Variants in TRUB2 observed in about 807,000 individuals in gnomAD.
The protein encoded by TRUB2 is pseudouridylate synthase TRUB2, mitochondrial.
Under a neutral mutation model 31.9 loss-of-function variants are expected in TRUB2, and 31 were observed. The ratio of observed to expected loss-of-function variants is 0.97; its 90% CI spans 0.73 to 1.31. The LOEUF is 1.31. TRUB2 is among the 50% of genes most tolerant of loss of function. The pLI, the probability that TRUB2 is intolerant of heterozygous loss-of-function variation, is 0.00. For missense variants in TRUB2, 451 were observed against 439.6 expected (o/e 1.03, Z -0.23); for synonymous variants, 201 against 182.6 (o/e 1.10, Z -0.81).
intron 2 of TRUB2, among the ~76,000 whole-genome samples, chr9:128,321,225 G>A (rs1436576206): frequency 6.6e-6 from 1 of 152,218 alleles, no homozygotes; most frequent in Non-Finnish European, 1.5e-5. Flanking sequence ...TCTGAAGCTG[G>A]ATCATGGGAT....
At chr9:128,311,463 G>T in intron 6 of TRUB2, 66 bp downstream of exon 6, 1 of 1,503,824 alleles carries the variant, frequency 6.6e-7, no homozygotes, top group Non-Finnish European at 9.3e-7. Context: ...CCCCAGGTTT[G>T]GGGGAGCCTA....
At chr9:128,314,331 C>T (rs573065467) in intron 4 of TRUB2, among the ~76,000 whole-genome samples, 2 of 152,184 alleles carry the variant, frequency 1.3e-5, no homozygotes, top group Non-Finnish European at 2.9e-5. Flanking sequence ...TTTATCACCC[C>T]GAGCCCCTTC....
intron 6 of TRUB2, 149 bp from the exon 7 acceptor site, chr9:128,311,172 G>T: frequency 9.1e-7 from 1 of 1,098,662 alleles, no homozygotes; most frequent in Non-Finnish European, 1.3e-6. Flanking sequence ...ATCACCAGGT[G>T]CCTGGTAGAG....
chr9:128,322,375 G>C lies in TRUB2; in HGVS notation c.34C>G (p.Leu12Val). 6.2e-7 allele frequency: 1 copy of C among 1,614,168 alleles called. No individual in the cohort carries two copies. The highest frequency in any genetic ancestry group is 8.5e-7 in the Non-Finnish European group (1 of 1,180,044). ...GSAGLSRLHG[L>V]FAVYKPPGLK... is the part of the protein sequence containing the mutation. ...CCCGGGGGCTTATAGACCGCGAAAA[G>C]CCCATGCAGCCGCGACAAGCCAGCA... Residue 12 changes from leucine (L) to valine (V), a missense_variant, in exon 1 of 8, where the codon CTT becomes GTT. Transcript: ENST00000372890.
At chr9:128,313,919 A>G (rs1241763604) in intron 4 of TRUB2, 30 bp from the exon 5 acceptor site, 1 of 1,607,712 alleles carries the variant, frequency 6.2e-7, no homozygotes, top group South Asian at 1.1e-5. Context: ...AAGATCCGTC[A>G]GTGACCCCAT....
At position 128,311,831 on chromosome 9, in the gene TRUB2, A is replaced by ATTTT. The variant is rs1221501677; in HGVS notation, c.461-234_461-231dup. On this transcript the variant is annotated intron_variant, in intron 5 of 7. Transcript: ENST00000372890. Reference sequence around the variant, plus strand: ...CATGACTCAGCAGCAAGGGCACTCTATTTTTTTTTTTTTTTTTTTTTTGAG... The same window carrying ATTTT: ...CATGACTCAGCAGCAAGGGCACTCTATTTTTTTTTTTTTTTTTTTTTTTTTTGAG... Among the ~76,000 whole-genome samples the ATTTT allele has an allele frequency of 5.9e-5, 7 of 118,872 alleles. No homozygotes were observed. The East Asian group carries it at 9.6e-4, about 16-fold the overall frequency. 78.0% of individuals were successfully genotyped at this position (118,872 alleles called of 152,430 possible).
rs530163052 is a variant in TRUB2, at chr9:128,313,471, G to T, written c.460+337C>A. On this transcript the variant is annotated intron_variant, in intron 5 of 7. Transcript: ENST00000372890. ...GAATGGCGTGAACCCGGGAGGTGGTGCTTGCAGCGAGCTGAGATCGTGCCA... is the reference window on the plus strand; with the variant it reads ...GAATGGCGTGAACCCGGGAGGTGGTTCTTGCAGCGAGCTGAGATCGTGCCA... Among the ~76,000 whole-genome samples the T allele has an allele frequency of 6.0e-5, 9 of 149,096 alleles. No homozygotes were observed. In the East Asian group the frequency reaches 1.8e-3, roughly 29 times the overall value.
intron 3 of TRUB2, 87 bp from the exon 4 acceptor site, chr9:128,315,715 C>T: frequency 6.9e-7 from 1 of 1,441,974 alleles, no homozygotes; most frequent in Non-Finnish European, 9.5e-7. Context: ...CATCAGAATA[C>T]TCCCTTTTCT....
rs898788492 is a variant in TRUB2 at position 128,308,731 on chromosome 9, C to T, written c.*819G>A. On this transcript the variant is annotated 3_prime_UTR_variant, in exon 8 of 8. Coordinates refer to ENST00000372890, the MANE Select transcript of TRUB2 (RefSeq NM_015679.3). ...ACTTTGGGAGGCTGAGCCAGGCCAA[C>T]ATGGTGAAACCTCATCTCGGATACA... 2 of 151,894 alleles carry T rather than the reference C, an allele frequency of 1.3e-5. No homozygotes were observed. The highest frequency in any genetic ancestry group is 4.8e-5 in the African/African-American group (2 of 41,326). The allele number at this position is 151,894 out of a possible 1,614,324, so 9.4% of individuals were successfully genotyped here.
At position 128,309,594 on chromosome 9, in the gene TRUB2, C is replaced by G. The variant is rs144003821; in HGVS notation, c.952G>C (p.Gly318Arg). The G allele has an allele frequency of 4.3e-4, 695 of 1,613,784 alleles. 1 individual carries two copies. Among genetic ancestry groups the G allele is most frequent in the East Asian group, 1.7e-3 (75 of 44,858 alleles). ...PSPGWSWDSQ[G>R]PSSTLGLERG... ...TCCAGCCCCAAGGTAGAGCTCGGGC[C>G]CTGGGAGTCCCAGGACCATCCCGGA... The change falls in exon 8 of 8, where the codon GGC becomes CGC. Residue 318 changes from glycine (G) to arginine (R), a missense_variant. Transcript: ENST00000372890.
At chr9:128,318,402 T>C (rs1394142132) in intron 2 of TRUB2, among the ~76,000 whole-genome samples, 5 of 152,060 alleles carry the variant, frequency 3.3e-5, no homozygotes, top group Non-Finnish European at 7.4e-5. Flanking sequence ...ACCCCTACCT[T>C]AGGACTTCTA....
At position 128,321,641 on chromosome 9, in the gene TRUB2, G is replaced by C; in HGVS notation, c.199C>G (p.Leu67Val). 6.2e-7 allele frequency: 1 copy of C among 1,614,086 alleles called. No homozygotes were observed. The highest frequency in any genetic ancestry group is 8.5e-7 in the Non-Finnish European group (1 of 1,180,010). ...MEGSEEKELT[L>V]TATSVPSFIN... ...AAAGAGGGTACGCTGGTGGCTGTGAGGGTCAGCTCCTTCTCTTCGCTGCCT... is the reference window on the plus strand; with the variant it reads ...AAAGAGGGTACGCTGGTGGCTGTGACGGTCAGCTCCTTCTCTTCGCTGCCT... Residue 67 changes from leucine to valine, a missense_variant, in exon 2 of 8, where the codon CTC (leucine) becomes GTC (valine). Physicochemically the swap from Leu to Val is conservative, Grantham distance 32. Coordinates refer to ENST00000372890, the MANE Select transcript of TRUB2 (RefSeq NM_015679.3).
chr9:128,313,920 G>A (rs1832024144), intron 4 of TRUB2, 31 bp from the exon 5 acceptor site: 1 of 1,606,824 alleles, frequency 6.2e-7, no homozygotes, highest in Non-Finnish European at 8.5e-7. Context: ...AGATCCGTCA[G>A]TGACCCCATT....
At position 128,310,281 on chromosome 9, in the gene TRUB2, G is replaced by A. The variant is rs531264991; in HGVS notation, c.671-406C>T. On this transcript the variant is annotated intron_variant, in intron 7 of 7. Transcript: ENST00000372890. Reference sequence around the variant, plus strand: ...ATTTTTTATTTTTTGTAGAGACAGGGTCTCGCCATCTTGCCCAGGTTAGAA... The same window carrying A: ...ATTTTTTATTTTTTGTAGAGACAGGATCTCGCCATCTTGCCCAGGTTAGAA... Among the ~76,000 whole-genome samples, 128 of 152,052 alleles carry A rather than the reference G, an allele frequency of 8.4e-4. 1 individual carries two copies. The highest frequency in any genetic ancestry group is 2.7e-3 in the African/African-American group (112 of 41,470).
chr9:128,315,820 A>G, intron 3 of TRUB2, 192 bp from the exon 4 acceptor site: 1 of 607,826 alleles, frequency 1.6e-6, no homozygotes, highest in South Asian at 1.8e-5. Flanking sequence ...GCTGGGCCTT[A>G]CCCATATGCA....
At position 128,307,782 on chromosome 9, in the gene TRUB2, A is replaced by G. The variant is rs907832472; in HGVS notation, c.*1768T>C. The G allele has an allele frequency of 6.6e-6, 1 of 152,084 alleles. No homozygotes were observed. The highest frequency in any genetic ancestry group is 1.5e-5 in the Non-Finnish European group (1 of 68,068). 9.4% of individuals were successfully genotyped at this position (152,084 alleles called of 1,614,324 possible). On this transcript the variant is annotated 3_prime_UTR_variant, in exon 8 of 8. Transcript: ENST00000372890. ...AGCCAGATACTGTGTGCACGCCTGC[A>G]GTCCCAGCTATTCTGGAAGCTGAGG...
intron 2 of TRUB2, 87 bp from the exon 3 acceptor site, chr9:128,317,313 T>C: frequency 5.6e-6 from 7 of 1,255,234 alleles, no homozygotes; most frequent in African/African-American, 1.5e-5. Flanking sequence ...GTTCTCAGAA[T>C]GGGCCTCATG....
chr9:128,319,556 G>A (rs1330310827), intron 2 of TRUB2, among the ~76,000 whole-genome samples: 1 of 151,888 alleles, frequency 6.6e-6, no homozygotes. Context: ...ATCCCTTGCA[G>A]ATACCAAAAT....
chr9:128,320,294 C>T (rs1391251823), intron 2 of TRUB2, among the ~76,000 whole-genome samples: 2 of 151,570 alleles, frequency 1.3e-5, no homozygotes, highest in African/African-American at 4.8e-5. Context: ...CTCAACCTCC[C>T]GAGTAGCTGG....
Sources: gnomAD v4.1 joint callset for allele counts (sites outside exome capture counted in the v4.1 genomes callset) on GRCh38, gnomAD v4.1.1 for gene constraint, MANE v1.5 for transcripts, NCBI Gene and HGNC (gene_info 2026-07-23, HGNC 2026-07-21) for gene names.